Variants in HSDL1 observed in about 807,000 individuals in gnomAD.
The protein encoded by HSDL1 is hydroxysteroid dehydrogenase like 1.
HSDL1 carries 29 observed loss-of-function variants against 31.5 expected under a neutral mutation model. The observed-to-expected ratio is 0.92, with a 90% CI of 0.69 to 1.26. The LOEUF (loss-of-function observed/expected upper bound fraction) is 1.26. HSDL1 is among the 50% of genes most tolerant of loss of function. HSDL1 has a pLI of 0.00. For synonymous variants in HSDL1, 222 were observed against 155.2 expected (o/e 1.43, Z -3.20); for missense variants, 503 against 416.6 (o/e 1.21, Z -1.81).
Position 84,131,327 on chromosome 16 carries a change from C to G in HSDL1, c.-6G>C. 2 of 1,606,062 alleles carry G rather than the reference C, an allele frequency of 1.2e-6. No individual in the cohort carries two copies. The highest frequency in any genetic ancestry group is 1.1e-5 in the South Asian group (1 of 90,884). On this transcript the variant is annotated splice_region_variant and 5_prime_UTR_variant, in exon 3 of 6. Transcript: ENST00000219439. ...AAACTGTCAACAGCAGCCATGGCAA[C>G]CTGCAGGGAGAGGGAAAGAGAGAGA...
intron 5 of HSDL1, among the ~76,000 whole-genome samples, chr16:84,128,009 A>G (rs1018237887): frequency 2.8e-4 from 40 of 143,690 alleles, no homozygotes; most frequent in Middle Eastern, 3.5e-3. Context: ...TTGAGCCACC[A>G]CGCCCTGCCA....
At chr16:84,141,756 C>A (rs922290327) in intron 1 of HSDL1, among the ~76,000 whole-genome samples, 2 of 152,194 alleles carry the variant, frequency 1.3e-5, no homozygotes, top group Non-Finnish European at 2.9e-5. Context: ...AGTAAGGCTG[C>A]AGTCCTTTTT....
rs1035971716 is a variant in HSDL1, at chr16:84,127,671, A to T, written c.894+1877T>A. Among the ~76,000 whole-genome samples, 36 of 132,814 alleles carry T rather than the reference A, an allele frequency of 2.7e-4. No individual in the cohort carries two copies. The East Asian group carries it at 4.7e-3, about 17-fold the overall frequency. 87.1% of individuals were successfully genotyped at this position (132,814 alleles called of 152,430 possible). ...GATAATTAAGAAAACTCCGAATATT[A>T]AAAAAAAAAAAAAATTCGGACCAGG... is the stretch of plus-strand genomic sequence containing the variant. On this transcript the variant is annotated intron_variant, in intron 5 of 5. Transcript: ENST00000219439.
chr16:84,129,662 G>A lies in HSDL1; in HGVS notation c.780C>T (p.Asn260=), dbSNP rs1244223179. Residue 260 remains asparagine, a synonymous_variant, in exon 5 of 6, where the codon AAC becomes AAT. Transcript: ENST00000219439. ...CCAACCACGAGCACCTGTGCAGAAA[G>A]TTGCTGGGTGCTGTCATGCTGGTGG... The part of the protein sequence containing the change: ...YVATSMTAPS[N]FLHRCSWLVP... 1.9e-6 allele frequency: 3 copies of A among 1,614,100 alleles called. No homozygotes were observed. The highest frequency in any genetic ancestry group is 2.2e-5 in the East Asian group (1 of 44,896).
At position 84,135,612 on chromosome 16, in the gene HSDL1, A is replaced by G. The variant is rs1295454613; in HGVS notation, c.-68-7T>C. 1 of 152,252 alleles carries G rather than the reference A, an allele frequency of 6.6e-6. No individual in the cohort carries two copies. The highest frequency in any genetic ancestry group is 2.4e-5 in the African/African-American group (1 of 41,450). 9.4% of individuals were successfully genotyped at this position (152,252 alleles called of 1,614,324 possible). ...TCCTTCTCTTAAGGCCAATCTGTGA[A>G]TAAAACCAACAAGAAACAAATGCCT... On this transcript the variant is annotated splice_region_variant and splice_polypyrimidine_tract_variant and intron_variant, in intron 1 of 5. Transcript: ENST00000219439.
chr16:84,138,001 C>T (rs896010575), intron 1 of HSDL1, among the ~76,000 whole-genome samples: 3 of 152,198 alleles, frequency 2.0e-5, no homozygotes, highest in Non-Finnish European at 4.4e-5. Flanking sequence ...AATCTTAACC[C>T]CCCAGGTGAT....
rs767181607 is a variant in HSDL1, at chr16:84,131,199, G to C, written c.123C>G (p.Ile41Met). Reference sequence around the variant, plus strand: ...GCCTGATCAGGCTGTAAAAGTCACAGATGACAGTGATGCTTTTTCTGGCCG... The same window carrying C: ...GCCTGATCAGGCTGTAAAAGTCACACATGACAGTGATGCTTTTTCTGGCCG... The part of the protein sequence containing the change: ...WYTARKSITV[I>M]CDFYSLIRLH... The change falls in exon 3 of 6, where the codon ATC becomes ATG. Residue 41 changes from isoleucine to methionine, a missense_variant. Physicochemically the swap from Ile to Met is conservative, Grantham distance 10 (BLOSUM62 1). Coordinates refer to ENST00000219439, the MANE Select transcript of HSDL1 (RefSeq NM_031463.5). 7 of 1,614,072 alleles carry C rather than the reference G, an allele frequency of 4.3e-6. No homozygotes were observed. The African/African-American group carries it at 6.7e-5, about 15-fold the overall frequency.
Position 84,124,725 on chromosome 16 carries a change from G to A in HSDL1, c.898C>T (p.Leu300Phe), listed in dbSNP as rs781385800. Residue 300 changes from leucine (L) to phenylalanine (F), a missense_variant, in exon 6 of 6, where the codon CTT becomes TTT. Coordinates refer to ENST00000219439, the MANE Select transcript of HSDL1 (RefSeq NM_031463.5). ...CATTCAGGCATATACTGTGCAAAAA[G>A]AAACTAAAAATGAAAGAGAAAAAGG... ...TGYWSHSIQF[L>F]FAQYMPEWLW... 22 of 1,610,396 alleles carry A rather than the reference G, an allele frequency of 1.4e-5. 1 individual carries two copies. In the South Asian group the frequency reaches 2.2e-4, roughly 16 times the overall value.
intron 1 of HSDL1, 82 bp from the exon 2 acceptor site, chr16:84,135,687 C>T (rs1316387526): frequency 6.6e-6 from 1 of 152,248 alleles, no homozygotes; most frequent in Non-Finnish European, 1.5e-5. Context: ...AAAGTAACAT[C>T]CAAGTGCTCA....
chr16:84,130,191 A>T lies in HSDL1; in HGVS notation c.461T>A (p.Val154Glu), dbSNP rs779226778. The T allele has an allele frequency of 1.2e-6, 2 of 1,614,140 alleles. No homozygotes were observed. Among genetic ancestry groups the T allele is most frequent in the South Asian group, 2.2e-5 (2 of 91,078 alleles). ...GAAATACTGCGGGTAGGGATAAAAC[A>T]CACCCACGTTATTTACCAAGATGCC... is the stretch of plus-strand genomic sequence containing the variant. The part of the protein sequence containing the change: ...DVGILVNNVG[V>E]FYPYPQYFTQ... The change falls in exon 4 of 6, where the codon GTG (valine) becomes GAG (glutamate). Residue 154 changes from valine (V) to glutamate (E), a missense_variant. By Grantham distance (121) the Val-to-Glu change is moderately radical. Coordinates refer to ENST00000219439, the MANE Select transcript of HSDL1 (RefSeq NM_031463.5).
intron 5 of HSDL1, among the ~76,000 whole-genome samples, chr16:84,129,212 T>C (rs1278329976): frequency 1.3e-5 from 2 of 151,926 alleles, no homozygotes; most frequent in Non-Finnish European, 2.9e-5. Context: ...AAACCCCGTC[T>C]CTACTAAAAA....
intron 5 of HSDL1, among the ~76,000 whole-genome samples, chr16:84,128,011 G>A (rs976842232): frequency 3.4e-5 from 5 of 145,736 alleles, no homozygotes; most frequent in Admixed American, 6.8e-5. Flanking sequence ...GAGCCACCAC[G>A]CCCTGCCAGC....
chr16:84,139,049 G>A (rs1377472745), intron 1 of HSDL1, among the ~76,000 whole-genome samples: 3 of 152,220 alleles, frequency 2.0e-5, no homozygotes, highest in African/African-American at 4.8e-5. Context: ...TGCGTGTGAC[G>A]TGGGGCGGGT....
intron 5 of HSDL1, among the ~76,000 whole-genome samples, chr16:84,125,827 G>A (rs1029416616): frequency 6.6e-6 from 1 of 152,208 alleles, no homozygotes; most frequent in Non-Finnish European, 1.5e-5. Context: ...AAATCGGCTG[G>A]GCACGCTGGC....
intron 1 of HSDL1, among the ~76,000 whole-genome samples, chr16:84,140,794 T>C (rs1243976015): frequency 1.3e-5 from 2 of 152,120 alleles, no homozygotes; most frequent in African/African-American, 4.8e-5. Flanking sequence ...ACCCCAAGCA[T>C]GTATTCTGAA....
intron 3 of HSDL1, among the ~76,000 whole-genome samples, chr16:84,130,678 G>C (rs1263379489): frequency 6.6e-6 from 1 of 152,248 alleles, no homozygotes. Context: ...TTGGTTAGGA[G>C]ACACAGTAGG....
chr16:84,137,415 G>A (rs2086722905), intron 1 of HSDL1, among the ~76,000 whole-genome samples: 1 of 152,242 alleles, frequency 6.6e-6, no homozygotes, highest in Admixed American at 6.5e-5. Context: ...GAGGCAGACT[G>A]GAGATGCCTT....
At chr16:84,126,500 T>C (rs2086608177) in intron 5 of HSDL1, among the ~76,000 whole-genome samples, 1 of 152,110 alleles carries the variant, frequency 6.6e-6, no homozygotes, top group African/African-American at 2.4e-5. Flanking sequence ...GTCAAGGAAT[T>C]ACCTGCTCTC....
intron 2 of HSDL1, among the ~76,000 whole-genome samples, chr16:84,133,169 C>T (rs900899955): frequency 4.1e-4 from 63 of 151,838 alleles, no homozygotes; most frequent in African/African-American, 1.4e-3. Flanking sequence ...GGAACACATA[C>T]AAGAATGGCA....
Sources: gnomAD v4.1 joint callset for allele counts (sites outside exome capture counted in the v4.1 genomes callset) on GRCh38, gnomAD v4.1.1 for gene constraint, MANE v1.5 for transcripts, NCBI Gene and HGNC (gene_info 2026-07-23, HGNC 2026-07-21) for gene names.